IL1RAPL2: variants seen among roughly 807,000 people sequenced by gnomAD.
The protein encoded by IL1RAPL2 is interleukin 1 receptor accessory protein like 2.
In IL1RAPL2, 3 loss-of-function variants were observed where a neutral mutation model predicts 44.1. That is an observed-to-expected ratio of 0.07 (90% confidence interval 0.03 to 0.18). The LOEUF (loss-of-function observed/expected upper bound fraction) is 0.18, where lower values mean the gene tolerates loss of function less well. Among genes scored for constraint, IL1RAPL2 ranks in the 10% least tolerant of loss-of-function variants. The pLI is 1.00. For missense variants in IL1RAPL2, 391 were observed against 496.4 expected (o/e 0.79, Z 2.02); for synonymous variants, 181 against 178.8 (o/e 1.01, Z -0.10).
chrX:105,665,914 C>A (rs2037762530), intron 6 of IL1RAPL2, among the ~76,000 whole-genome samples: 2 of 107,120 alleles, frequency 1.9e-5, no homozygotes, highest in African/African-American at 6.8e-5. Context: ...AGGCGCCCGC[C>A]ACCACGCCCG....
At chrX:104,673,782 G>T (rs1353888959) in intron 2 of IL1RAPL2, among the ~76,000 whole-genome samples, 1 of 107,539 alleles carries the variant, frequency 9.3e-6, no homozygotes, top group Non-Finnish European at 1.9e-5. Context: ...CTTGAGCAGT[G>T]GTTTGTAGTT....
intron 7 of IL1RAPL2, among the ~76,000 whole-genome samples, chrX:105,738,404 C>T (rs1003840362): frequency 9.0e-6 from 1 of 110,976 alleles, no homozygotes; most frequent in African/African-American, 3.3e-5. Context: ...GAGGCGGGTA[C>T]TTAGAGCCCA....
At chrX:105,276,038 C>T (rs1026476454) in intron 5 of IL1RAPL2, among the ~76,000 whole-genome samples, 3 of 112,303 alleles carry the variant, frequency 2.7e-5, no homozygotes, top group African/African-American at 9.7e-5. Context: ...TTTGGAATAA[C>T]TATTTCTGAT....
intron 2 of IL1RAPL2, among the ~76,000 whole-genome samples, chrX:105,162,563 T>C (rs751476909): frequency 6.7e-4 from 75 of 112,241 alleles, no homozygotes; most frequent in Non-Finnish European, 6.9e-4. Context: ...AACTGAATTA[T>C]TATATATTTT....
chrX:105,693,926 G>A (rs1485944266), intron 6 of IL1RAPL2, among the ~76,000 whole-genome samples: 3 of 112,119 alleles, frequency 2.7e-5, no homozygotes, highest in Non-Finnish European at 5.6e-5. Flanking sequence ...GAGGAAAGCA[G>A]CCCTCATGAC....
chrX:105,422,778 TCATGAACATTTCAGTTCTC>T (rs1436831707), intron 5 of IL1RAPL2, among the ~76,000 whole-genome samples: 2 of 110,989 alleles, frequency 1.8e-5, no homozygotes, highest in African/African-American at 3.3e-5. Flanking sequence ...TGCTTGATAT[TCATGAACATTTCAGTTCTC>T]CATGAGTTCT....
chrX:105,257,871 C>A (rs948884466), intron 4 of IL1RAPL2, among the ~76,000 whole-genome samples: 33 of 111,422 alleles, frequency 3.0e-4, no homozygotes, highest in African/African-American at 1.0e-3. Context: ...TTGGGTCTTG[C>A]GTTTTTATCC....
intron 6 of IL1RAPL2, among the ~76,000 whole-genome samples, chrX:105,698,636 A>G (rs1427306479): frequency 1.8e-5 from 2 of 112,409 alleles, no homozygotes; most frequent in Non-Finnish European, 3.8e-5. Flanking sequence ...AAGTCATTTC[A>G]GGATAATAAC....
intron 6 of IL1RAPL2, among the ~76,000 whole-genome samples, chrX:105,695,828 A>G (rs1355947406): frequency 8.9e-6 from 1 of 112,229 alleles, no homozygotes; most frequent in African/African-American, 3.2e-5. Context: ...AGAAAGTGAG[A>G]AAGCTGGAAA....
At chrX:104,838,778 G>A (rs185561610) in intron 2 of IL1RAPL2, among the ~76,000 whole-genome samples, 145 of 108,805 alleles carry the variant, frequency 1.3e-3, no homozygotes, top group African/African-American at 4.5e-3. Context: ...GGAGTAGTGA[G>A]AGAGGGCATC....
chrX:105,747,244 A>G (rs1290370103), intron 8 of IL1RAPL2, among the ~76,000 whole-genome samples: 1 of 109,202 alleles, frequency 9.2e-6, no homozygotes, highest in Non-Finnish European at 1.9e-5. Flanking sequence ...CACCTCCTGC[A>G]GCAGGCATGA....
chrX:104,915,603 T>C (rs1178110034), intron 2 of IL1RAPL2, among the ~76,000 whole-genome samples: 1 of 110,633 alleles, frequency 9.0e-6, no homozygotes, highest in Non-Finnish European at 1.9e-5. Context: ...TTGGCTTTTG[T>C]TGCCATTGCT....
At chrX:105,264,144 G>A (rs1412171629) in intron 4 of IL1RAPL2, among the ~76,000 whole-genome samples, 2 of 110,514 alleles carry the variant, frequency 1.8e-5, no homozygotes, top group Non-Finnish European at 3.8e-5. Context: ...TGAATCATGG[G>A]GATGGTTTCC....
chrX:105,279,859 A>G (rs752038826), intron 5 of IL1RAPL2, among the ~76,000 whole-genome samples: 2 of 112,445 alleles, frequency 1.8e-5, no homozygotes, highest in African/African-American at 6.5e-5. Context: ...TGCCCGAAGT[A>G]ATTTATAGAT....
In IL1RAPL2 at chrX:105,728,756, C is replaced by A. The variant is rs149731241; in HGVS notation, c.902+11260C>A. ...TCCATGGTTGACAGTAGAGTTCATT[C>A]TTTGTGTTATACAGTTCTATGGTTT... On this transcript the variant is annotated intron_variant, in intron 7 of 10. Coordinates refer to ENST00000372582, the MANE Select transcript of IL1RAPL2 (RefSeq NM_017416.2). 2.1e-3 allele frequency among the ~76,000 whole-genome samples: 233 copies of A among 111,138 alleles called. 3 individuals are homozygous for A. Among genetic ancestry groups the A allele is most frequent in the African/African-American group, 7.4e-3 (227 of 30,743 alleles).
intron 2 of IL1RAPL2, among the ~76,000 whole-genome samples, chrX:104,800,966 A>C (rs1932881760): frequency 8.9e-6 from 1 of 112,786 alleles, no homozygotes; most frequent in Non-Finnish European, 1.9e-5. Flanking sequence ...TGTCCAGGGA[A>C]TCTACCAACC....
intron 5 of IL1RAPL2, among the ~76,000 whole-genome samples, chrX:105,385,891 C>T (rs1348555532): frequency 3.6e-5 from 4 of 111,360 alleles, no homozygotes; most frequent in South Asian, 7.5e-4. Context: ...GAGGATAGAA[C>T]GTAGAAGGAG....
chrX:105,216,813 T>G (rs1048998529), intron 3 of IL1RAPL2, among the ~76,000 whole-genome samples: 2 of 111,698 alleles, frequency 1.8e-5, no homozygotes, highest in Admixed American at 9.5e-5. Context: ...TCTACAACCA[T>G]CTGATCTTCG....
At chrX:105,467,712 A>G (rs1427077244) in intron 5 of IL1RAPL2, among the ~76,000 whole-genome samples, 1 of 111,755 alleles carries the variant, frequency 8.9e-6, no homozygotes, top group East Asian at 2.8e-4. Context: ...TCTAGACATA[A>G]AGTCTGTACT....
Sources: gnomAD v4.1 joint callset for allele counts (sites outside exome capture counted in the v4.1 genomes callset) on GRCh38, gnomAD v4.1.1 for gene constraint, MANE v1.5 for transcripts, NCBI Gene and HGNC (gene_info 2026-07-23, HGNC 2026-07-21) for gene names.